The following COL6A2 variants were observed in gnomAD, a reference collection of about 807,000 sequenced individuals.
COL6A2 encodes collagen alpha-2(VI) chain.
In COL6A2, 90 loss-of-function variants were observed where a neutral mutation model predicts 124.9. The observed-to-expected ratio is 0.72, with a 90% CI of 0.61 to 0.86. The LOEUF (loss-of-function observed/expected upper bound fraction) is 0.86. COL6A2 is among the 40% of genes least tolerant of loss of function. COL6A2 has a pLI of 0.00. For missense variants in COL6A2, 1,607 were observed against 1,502.5 expected (o/e 1.07, Z -1.15); for synonymous variants, 793 against 618.2 (o/e 1.28, Z -4.19).
chr21:46,118,944 G>A, intron 13 of COL6A2, 86 bp from the exon 14 acceptor site: 1 of 1,124,920 alleles, frequency 8.9e-7, no homozygotes, highest in Non-Finnish European at 1.3e-6. Context: ...GAAGATAATA[G>A]GGGCTCCACA....
rs1298833222 is a variant in COL6A2, at chr21:46,112,161, C to T, written c.298C>T (p.His100Tyr). Residue 100 changes from histidine (H) to tyrosine (Y), a missense_variant, in exon 3 of 28, where the codon CAC (histidine) becomes TAC (tyrosine). Physicochemically the swap from His to Tyr is moderately conservative, Grantham distance 83. Transcript: ENST00000300527. ...GCTGAGCTGGCGCTACGGCGGCCTG[C>T]ACTTCTCTGACCAGGTGGAGGTGTT... The part of the protein sequence containing the change: ...VALSWRYGGL[H>Y]FSDQVEVFSP... 6.2e-7 allele frequency: 1 copy of T among 1,613,042 alleles called. No homozygotes were observed. The highest frequency in any genetic ancestry group is 8.5e-7 in the Non-Finnish European group (1 of 1,180,022).
chr21:46,116,866 GC>G lies in COL6A2; in HGVS notation c.999+54del. 1 of 1,599,840 alleles carries G rather than the reference GC, an allele frequency of 6.3e-7. No homozygotes were observed. The highest frequency in any genetic ancestry group is 2.2e-5 in the East Asian group (1 of 44,744). ...GGACTGGTCTCACAGAGGCATCCCAGCCTCTGCAGGGCCCCCAGATCCAGCC... is the reference window on the plus strand; with the variant it reads ...GGACTGGTCTCACAGAGGCATCCCAGCTCTGCAGGGCCCCCAGATCCAGCC... On this transcript the variant is annotated intron_variant, in intron 10 of 27. Transcript: ENST00000300527. This position sits in a 1 kb window ranked among gnomAD's most constrained non-coding sequence, Gnocchi z 4.6.
Position 46,132,398 on chromosome 21 carries a change from T to C in COL6A2, c.2906T>C (p.Val969Ala). 1.9e-6 allele frequency: 3 copies of C among 1,609,308 alleles called. No individual in the cohort carries two copies. The highest frequency in any genetic ancestry group is 2.5e-6 in the Non-Finnish European group (3 of 1,178,964). Reference sequence around the variant, plus strand: ...GCGCACTCCATGCGCAAGCAGAACGTGGTACCCACCGTGCTGGCCTTGGGC... The same window carrying C: ...GCGCACTCCATGCGCAAGCAGAACGCGGTACCCACCGTGCTGGCCTTGGGC... ...ESAHSMRKQN[V>A]VPTVLALGSD... Residue 969 changes from valine to alanine, a missense_variant, in exon 28 of 28, where the codon GTG becomes GCG. Val to Ala is a moderately conservative substitution (Grantham distance 64, BLOSUM62 0). Coordinates refer to ENST00000300527, the MANE Select transcript of COL6A2 (RefSeq NM_001849.4).
chr21:46,115,568 C>G (rs1444315318), intron 5 of COL6A2, among the ~76,000 whole-genome samples: 1 of 152,226 alleles, frequency 6.6e-6, no homozygotes. Flanking sequence ...GCCACAGTCA[C>G]AGCTACTGGG....
chr21:46,104,597 C>G (rs979550528), intron 1 of COL6A2, among the ~76,000 whole-genome samples: 1 of 152,060 alleles, frequency 6.6e-6, no homozygotes, highest in Admixed American at 6.5e-5. Context: ...GAAGAGAGAG[C>G]AAAGGGAGCA....
chr21:46,102,355 T>G (rs1398855660), intron 1 of COL6A2, among the ~76,000 whole-genome samples: 2 of 152,194 alleles, frequency 1.3e-5, no homozygotes, highest in African/African-American at 4.8e-5. Context: ...AATTTACTTA[T>G]TTCTTTCCAA....
rs2078779623 is a variant in COL6A2 at position 46,132,701 on chromosome 21, TAGCCCCGGCCCCCGCCC to T, written c.*156_*172del. 9.9e-6 allele frequency: 8 copies of T among 808,310 alleles called. No individual in the cohort carries two copies. The South Asian group carries it at 1.3e-4, about 13-fold the overall frequency. 50.1% of individuals were successfully genotyped at this position (808,310 alleles called of 1,614,324 possible). A position where few individuals can be genotyped will look rare whatever the true frequency, so the allele number is the denominator to read the frequency against. Reference sequence around the variant, plus strand: ...TCCAGCTCCTCCCACGGGGTCCCCGTAGCCCCGGCCCCCGCCCAGCCCCAGGTCTCCCCAGGCCCTCC... The same window carrying T: ...TCCAGCTCCTCCCACGGGGTCCCCGTAGCCCCAGGTCTCCCCAGGCCCTCC... On this transcript the variant is annotated 3_prime_UTR_variant, in exon 28 of 28. Coordinates refer to ENST00000300527, the MANE Select transcript of COL6A2 (RefSeq NM_001849.4).
chr21:46,117,557 G>T, intron 11 of COL6A2, 104 bp downstream of exon 11: 11 of 1,201,948 alleles, frequency 9.2e-6, no homozygotes, highest in African/African-American at 1.5e-5. Flanking sequence ...GGGTTCTCCC[G>T]GCAGCCCAGC....
At chr21:46,123,799 GGTTA>G (rs2078608276) in intron 21 of COL6A2, among the ~76,000 whole-genome samples, 1 of 145,094 alleles carries the variant, frequency 6.9e-6, no homozygotes, top group East Asian at 2.0e-4. Context: ...TGTATGGATG[GGTTA>G]GTGGGTGGGT....
chr21:46,120,629 A>AG (rs1271139030), intron 16 of COL6A2, 52 bp downstream of exon 16: 17 of 1,415,502 alleles, frequency 1.2e-5, no homozygotes, highest in Admixed American at 3.0e-5. Context: ...GAGGGGGTGC[A>AG]GGGGGGCTGC....
rs150004111 is a variant in COL6A2, at chr21:46,112,511, C to T, written c.648C>T (p.Tyr216=). 38 of 1,611,562 alleles carry T rather than the reference C, an allele frequency of 2.4e-5. No homozygotes were observed. Among genetic ancestry groups the T allele is most frequent in the Admixed American group, 6.7e-5 (4 of 59,960 alleles). The change falls in exon 3 of 28, where the codon TAC becomes TAT. Residue 216 remains tyrosine (Y), a synonymous_variant. Transcript: ENST00000300527. ...CGCACGAGCTCTACCGCAACGACTA[C>T]GCCACCATGCTGCCCGACTCCACCG... ...STPHELYRND[Y]ATMLPDSTEI...
At chr21:46,103,245 T>C (rs554267173) in intron 1 of COL6A2, among the ~76,000 whole-genome samples, 7 of 152,310 alleles carry the variant, frequency 4.6e-5, no homozygotes, top group Admixed American at 2.0e-4. Context: ...TCTTTTTTAT[T>C]TCTGTAGAAT....
Position 46,125,895 on chromosome 21 carries a change from C to G in COL6A2, c.2080C>G (p.Leu694Val). Reference sequence around the variant, plus strand: ...GAGCTTCAAGGAGGCTGTCAAGAACCTCGAGTGGATTGCGGGCGGCACCTG... The same window carrying G: ...GAGCTTCAAGGAGGCTGTCAAGAACGTCGAGTGGATTGCGGGCGGCACCTG... ...LSSFKEAVKN[L>V]EWIAGGTWTP... The change falls in exon 26 of 28, where the codon CTC (leucine) becomes GTC (valine). Residue 694 changes from leucine (L) to valine (V), a missense_variant. Physicochemically the swap from Leu to Val is conservative, Grantham distance 32 (BLOSUM62 1). Coordinates refer to ENST00000300527, the MANE Select transcript of COL6A2 (RefSeq NM_001849.4). 6.2e-7 allele frequency: 1 copy of G among 1,613,218 alleles called. No homozygotes were observed. Among genetic ancestry groups the G allele is most frequent in the Non-Finnish European group, 8.5e-7 (1 of 1,179,992 alleles).
chr21:46,119,341 C>T (rs891285089), intron 14 of COL6A2, among the ~76,000 whole-genome samples: 1 of 152,172 alleles, frequency 6.6e-6, no homozygotes, highest in Non-Finnish European at 1.5e-5. Context: ...ATGGTGTTCC[C>T]TAAACCCAGC....
chr21:46,112,241 C>T lies in COL6A2; in HGVS notation c.378C>T (p.Ser126=). 1.9e-6 allele frequency: 3 copies of T among 1,612,870 alleles called. No individual in the cohort carries two copies. Among genetic ancestry groups the T allele is most frequent in the Non-Finnish European group, 2.5e-6 (3 of 1,180,018 alleles). ...ASFIKNLQGI[S]SFRRGTFTDC... ...TCATCAAGAACCTGCAGGGCATCAG[C>T]TCCTTCCGCCGCGGCACCTTCACCG... Residue 126 remains serine (S), a synonymous_variant, in exon 3 of 28, where the codon AGC becomes AGT. Transcript: ENST00000300527.
intron 27 of COL6A2, among the ~76,000 whole-genome samples, chr21:46,127,531 G>A (rs2078691408): frequency 6.6e-6 from 1 of 152,142 alleles, no homozygotes; most frequent in Admixed American, 6.5e-5. Flanking sequence ...CACAACAGTG[G>A]GCTGTGCTTC....
At chr21:46,129,515 G>A in intron 27 of COL6A2, 1 of 1,533,248 alleles carries the variant, frequency 6.5e-7, no homozygotes, top group East Asian at 2.3e-5. Context: ...GCCCAGCCGG[G>A]CTGGGCCCTC....
At chr21:46,098,586 C>A (rs1601197347) in intron 1 of COL6A2, among the ~76,000 whole-genome samples, 1 of 151,584 alleles carries the variant, frequency 6.6e-6, no homozygotes, top group Non-Finnish European at 1.5e-5. Context: ...GCGGGGAAGA[C>A]GCCCCGGCTG....
chr21:46,126,310 G>A (rs2078666999), intron 26 of COL6A2, 73 bp downstream of exon 26: 4 of 1,557,896 alleles, frequency 2.6e-6, no homozygotes, highest in African/African-American at 1.4e-5. Context: ...GAGCCCCAGG[G>A]ACACCCCTCA....
Sources: gnomAD v4.1 joint callset for allele counts (sites outside exome capture counted in the v4.1 genomes callset) on GRCh38, gnomAD v4.1.1 for gene constraint, Gnocchi (gnomAD v3.1) non-coding constraint, MANE v1.5 for transcripts, NCBI Gene and HGNC (gene_info 2026-07-23, HGNC 2026-07-21) for gene names.